Variants in TACR3 observed in about 807,000 individuals in gnomAD.
TACR3 encodes the protein tachykinin receptor 3, also known as neuromedin-K receptor.
In TACR3, 34 loss-of-function variants were observed where a neutral mutation model predicts 35.0. The ratio of observed to expected loss-of-function variants is 0.97; its 90% CI spans 0.74 to 1.30. TACR3 has a LOEUF of 1.30. Among genes scored for constraint, TACR3 ranks in the 50% most tolerant of loss-of-function variants. TACR3 has a pLI of 0.00. For missense variants in TACR3, 558 were observed against 591.7 expected (o/e 0.94, Z 0.59); for synonymous variants, 233 against 221.1 (o/e 1.05, Z -0.48).
At chr4:103,710,073 C>A (rs1722907221) in intron 1 of TACR3, among the ~76,000 whole-genome samples, 2 of 152,142 alleles carry the variant, frequency 1.3e-5, no homozygotes, top group Admixed American at 1.3e-4. Context: ...CTTTAACACT[C>A]CCCTGTCAAC....
At chr4:103,697,447 C>G (rs540422389) in intron 1 of TACR3, among the ~76,000 whole-genome samples, 3 of 143,548 alleles carry the variant, frequency 2.1e-5, no homozygotes, top group Admixed American at 7.2e-5. Context: ...TATTTTGAGA[C>G]GGAGTCTCCT....
At chr4:103,607,886 C>T (rs1724419660) in intron 3 of TACR3, among the ~76,000 whole-genome samples, 1 of 152,084 alleles carries the variant, frequency 6.6e-6, no homozygotes, top group Admixed American at 6.6e-5. Context: ...GGGTTTTCCT[C>T]TCCTTTAGGA....
At chr4:103,648,763 T>C (rs1220571021) in intron 3 of TACR3, among the ~76,000 whole-genome samples, 1 of 152,164 alleles carries the variant, frequency 6.6e-6, no homozygotes, top group Non-Finnish European at 1.5e-5. Flanking sequence ...TGGATATGTC[T>C]CTTTGACATG....
In TACR3 at chr4:103,589,631, A is replaced by C. The variant is rs1213581178; in HGVS notation, c.*51T>G. ...CTGGTAAATAGGAGAATGGGGTCCT[A>C]GACTGGCACCATGATGGTCTCACAC... On this transcript the variant is annotated 3_prime_UTR_variant, in exon 5 of 5. Coordinates refer to ENST00000304883, the MANE Select transcript of TACR3 (RefSeq NM_001059.3). 1.2e-6 allele frequency: 2 copies of C among 1,606,382 alleles called. No individual in the cohort carries two copies. Among genetic ancestry groups the C allele is most frequent in the Admixed American group, 1.7e-5 (1 of 59,948 alleles).
At chr4:103,707,678 G>A (rs909258334) in intron 1 of TACR3, among the ~76,000 whole-genome samples, 1 of 152,108 alleles carries the variant, frequency 6.6e-6, no homozygotes, top group African/African-American at 2.4e-5. Flanking sequence ...GCAGCCCACC[G>A]AGCGAGAGCC....
intron 1 of TACR3, among the ~76,000 whole-genome samples, chr4:103,691,597 T>G (rs1722401631): frequency 6.6e-6 from 1 of 152,144 alleles, no homozygotes; most frequent in South Asian, 2.1e-4. Context: ...CCCCAAAATC[T>G]GGCCATAAAC....
chr4:103,657,410 T>C (rs1725753308), intron 2 of TACR3, among the ~76,000 whole-genome samples: 1 of 152,060 alleles, frequency 6.6e-6, no homozygotes. Flanking sequence ...CAGTTTAATA[T>C]GAGCTGTCTG....
chr4:103,685,036 A>G (rs1277838376), intron 1 of TACR3, among the ~76,000 whole-genome samples: 2 of 148,872 alleles, frequency 1.3e-5, no homozygotes, highest in Non-Finnish European at 3.0e-5. Context: ...AATAAAATGT[A>G]TATTAACTAG....
intron 3 of TACR3, among the ~76,000 whole-genome samples, chr4:103,638,917 G>A (rs1283820976): frequency 1.1e-4 from 16 of 152,004 alleles, no homozygotes; most frequent in African/African-American, 3.1e-4. Context: ...TTAGAATGGC[G>A]ATCATTAAAA....
intron 3 of TACR3, among the ~76,000 whole-genome samples, chr4:103,652,166 G>T (rs1284857398): frequency 6.6e-6 from 1 of 152,088 alleles, no homozygotes; most frequent in Non-Finnish European, 1.5e-5. Context: ...GACTCACATA[G>T]GAGTTGCGGT....
At chr4:103,700,565 G>T (rs1722625885) in intron 1 of TACR3, among the ~76,000 whole-genome samples, 3 of 152,146 alleles carry the variant, frequency 2.0e-5, no homozygotes, top group African/African-American at 4.8e-5. Context: ...CCAAACAGGT[G>T]ATGTCTCCTT....
At chr4:103,630,219 TA>T (rs1385883854) in intron 3 of TACR3, among the ~76,000 whole-genome samples, 2 of 152,176 alleles carry the variant, frequency 1.3e-5, no homozygotes, top group African/African-American at 4.8e-5. Context: ...ATGTTAGACC[TA>T]AAACCATAAA....
At chr4:103,702,668 T>G (rs1197873982) in intron 1 of TACR3, among the ~76,000 whole-genome samples, 1 of 151,942 alleles carries the variant, frequency 6.6e-6, no homozygotes, top group Admixed American at 6.6e-5. Context: ...CAAACAATGA[T>G]GGACTGGATT....
At position 103,719,876 on chromosome 4, in the gene TACR3, C is replaced by T. The variant is rs1578272762; in HGVS notation, c.-201G>A. The T allele has an allele frequency of 1.4e-5, 9 of 644,864 alleles. No individual in the cohort carries two copies. In the East Asian group the frequency reaches 2.2e-4, roughly 16 times the overall value. 39.9% of individuals were successfully genotyped at this position (644,864 alleles called of 1,614,324 possible). A position where few individuals can be genotyped will look rare whatever the true frequency, so the allele number is the denominator to read the frequency against. ...GGCAACAGCTGCACTTTCTCAGAGG[C>T]GCTTGCGGCTCTGGCAGGCAGAAAG... On this transcript the variant is annotated 5_prime_UTR_variant, in exon 1 of 5. Transcript: ENST00000304883.
At position 103,641,012 on chromosome 4, in the gene TACR3, T is replaced by C. The variant is rs867575751; in HGVS notation, c.888+15182A>G. On this transcript the variant is annotated intron_variant, in intron 3 of 4. Coordinates refer to ENST00000304883, the MANE Select transcript of TACR3 (RefSeq NM_001059.3). Reference sequence around the variant, plus strand: ...GTCATAAAGCTTTCCCCTTATTTTTTCTTCTAGTAGTTTTATAGTTTCAAG... The same window carrying C: ...GTCATAAAGCTTTCCCCTTATTTTTCCTTCTAGTAGTTTTATAGTTTCAAG... Among the ~76,000 whole-genome samples, 4 of 152,034 alleles carry C rather than the reference T, an allele frequency of 2.6e-5. 1 individual carries two copies. Among genetic ancestry groups the C allele is most frequent in the African/African-American group, 7.2e-5 (3 of 41,410 alleles).
chr4:103,629,862 A>AAAAAC (rs1725011283), intron 3 of TACR3, among the ~76,000 whole-genome samples: 11 of 111,576 alleles, frequency 9.9e-5, no homozygotes, highest in South Asian at 5.7e-4. Context: ...AAAAAAAAAC[A>AAAAAC]AAAAAAAAAC....
chr4:103,622,547 C>G (rs947814753), intron 3 of TACR3, among the ~76,000 whole-genome samples: 7 of 152,042 alleles, frequency 4.6e-5, no homozygotes, highest in Non-Finnish European at 1.0e-4. Flanking sequence ...CTGGCTAACA[C>G]AGTGAAACCC....
rs1723888860 is a variant in TACR3 at position 103,591,354 on chromosome 4, C to T, written c.1085+133G>A. On this transcript the variant is annotated intron_variant, in intron 4 of 4. Transcript: ENST00000304883. ...GGGTCTTGAAAGATAAAGCCTGTGC[C>T]TCTCTCAGTGAATTCTTAAATTTTC... 1.1e-5 allele frequency: 11 copies of T among 1,001,038 alleles called. No individual in the cohort carries two copies. In the South Asian group the frequency reaches 1.5e-4, roughly 14 times the overall value. The allele number at this position is 1,001,038 out of a possible 1,614,324, so 62.0% of individuals were successfully genotyped here.
At chr4:103,657,414 C>A (rs1025594903) in intron 2 of TACR3, among the ~76,000 whole-genome samples, 2 of 151,924 alleles carry the variant, frequency 1.3e-5, no homozygotes, top group African/African-American at 2.4e-5. Flanking sequence ...TTAATATGAG[C>A]TGTCTGATTT....
Sources: gnomAD v4.1 joint callset for allele counts (sites outside exome capture counted in the v4.1 genomes callset) on GRCh38, gnomAD v4.1.1 for gene constraint, MANE v1.5 for transcripts, NCBI Gene and HGNC (gene_info 2026-07-23, HGNC 2026-07-21) for gene names.